CSMD1: variants seen among roughly 807,000 people sequenced by gnomAD.
CSMD1 encodes CUB and sushi domain-containing protein 1.
A neutral mutation model predicts 417.5 loss-of-function variants in CSMD1; 213 were observed. The observed-to-expected ratio is 0.51, with a 90% CI of 0.46 to 0.57. The LOEUF (loss-of-function observed/expected upper bound fraction) is 0.57. CSMD1 is among the 20% of genes least tolerant of loss of function. The probability of loss-of-function intolerance (pLI) is 0.00; values close to 1 mark genes in which losing one functional copy is unlikely to be tolerated. For synonymous variants in CSMD1, 2,862 were observed against 1,736.8 expected, an observed-to-expected ratio of 1.65 and a Z score of -16.11; for missense variants, 6,923 against 4,529.7, an observed-to-expected ratio of 1.53 and a Z score of -15.17.
intron 4 of CSMD1, among the ~76,000 whole-genome samples, chr8:4,009,670 A>G (rs145379101): frequency 7.9e-4 from 120 of 152,314 alleles, no homozygotes; most frequent in Middle Eastern, 3.4e-3. Flanking sequence ...AGCTTGTAAT[A>G]CTGGGAGATA....
intron 49 of CSMD1, among the ~76,000 whole-genome samples, chr8:3,055,642 G>C (rs1177220940): frequency 2.6e-5 from 4 of 152,170 alleles, no homozygotes; most frequent in African/African-American, 9.7e-5. Flanking sequence ...AACTTTCACA[G>C]TTTGGAGAAT....
At chr8:3,149,201 AAAAAAT>A (rs1445485800) in intron 40 of CSMD1, among the ~76,000 whole-genome samples, 1 of 152,214 alleles carries the variant, frequency 6.6e-6, no homozygotes, top group Non-Finnish European at 1.5e-5. Flanking sequence ...GTTTATAAAT[AAAAAAT>A]AAATACAGAA....
At chr8:3,820,566 T>C (rs1801673929) in intron 5 of CSMD1, among the ~76,000 whole-genome samples, 1 of 152,076 alleles carries the variant, frequency 6.6e-6, no homozygotes, top group Admixed American at 6.6e-5. Context: ...TTGTTGTGTT[T>C]TTGTTTTTGT....
chr8:2,999,805 C>T (rs1471326953), intron 53 of CSMD1, among the ~76,000 whole-genome samples, 153 bp downstream of exon 53: 2 of 151,864 alleles, frequency 1.3e-5, no homozygotes, highest in Non-Finnish European at 2.9e-5. Context: ...AACATGGCAC[C>T]TCTCCTGTTC....
chr8:3,504,905 G>C (rs545481994), intron 10 of CSMD1, among the ~76,000 whole-genome samples: 1 of 152,048 alleles, frequency 6.6e-6, no homozygotes, highest in Admixed American at 6.5e-5. Flanking sequence ...AGCAGAACCC[G>C]TCAAAATGCC....
chr8:4,289,039 T>C (rs945293699), intron 3 of CSMD1, among the ~76,000 whole-genome samples: 3 of 152,166 alleles, frequency 2.0e-5, no homozygotes, highest in Non-Finnish European at 4.4e-5. Context: ...ATGACTGTCA[T>C]AATGAGCATA....
At chr8:4,724,354 A>G (rs1160039130) in intron 1 of CSMD1, among the ~76,000 whole-genome samples, 1 of 152,120 alleles carries the variant, frequency 6.6e-6, no homozygotes, top group Non-Finnish European at 1.5e-5. Context: ...ATGCCCATTA[A>G]AATATAATAA....
At chr8:4,638,541 C>G (rs777138210) in intron 1 of CSMD1, among the ~76,000 whole-genome samples, 1 of 152,202 alleles carries the variant, frequency 6.6e-6, no homozygotes, top group Non-Finnish European at 1.5e-5. Flanking sequence ...TCTACCCGTT[C>G]ACACAGGCAG....
chr8:4,149,748 T>C (rs898972019), intron 3 of CSMD1, among the ~76,000 whole-genome samples: 1 of 152,192 alleles, frequency 6.6e-6, no homozygotes, highest in Non-Finnish European at 1.5e-5. Flanking sequence ...ACTCCAAGCA[T>C]CCAGCCAGGC....
At chr8:3,456,876 C>G (rs1816182489) in intron 12 of CSMD1, among the ~76,000 whole-genome samples, 1 of 152,104 alleles carries the variant, frequency 6.6e-6, no homozygotes, top group African/African-American at 2.4e-5. Flanking sequence ...TGGCTAAGCT[C>G]TAGCACTGCA....
At chr8:3,455,338 T>G (rs1484724558) in intron 12 of CSMD1, among the ~76,000 whole-genome samples, 1 of 152,250 alleles carries the variant, frequency 6.6e-6, no homozygotes, top group African/African-American at 2.4e-5. Context: ...TGTCCAACGT[T>G]GCTCCATTGC....
At chr8:3,690,387 TA>T (rs1254091506) in intron 7 of CSMD1, among the ~76,000 whole-genome samples, 1 of 152,196 alleles carries the variant, frequency 6.6e-6, no homozygotes, top group Non-Finnish European at 1.5e-5. Context: ...TACCTGAATC[TA>T]AAATTTGCCA....
At chr8:4,580,073 T>C (rs1337691846) in intron 2 of CSMD1, among the ~76,000 whole-genome samples, 1 of 152,248 alleles carries the variant, frequency 6.6e-6, no homozygotes, top group Non-Finnish European at 1.5e-5. Context: ...CTGCTTTTGT[T>C]TCTATATTTA....
chr8:4,056,245 C>A (rs912273699), intron 3 of CSMD1, among the ~76,000 whole-genome samples: 4 of 151,690 alleles, frequency 2.6e-5, no homozygotes, highest in Admixed American at 2.6e-4. Flanking sequence ...CCACTCCTGG[C>A]TAATTTTTGT....
intron 5 of CSMD1, among the ~76,000 whole-genome samples, chr8:3,872,574 G>A (rs898889078): frequency 6.6e-6 from 1 of 152,156 alleles, no homozygotes. Context: ...TTTCAGAATT[G>A]CTTGATAGAG....
intron 7 of CSMD1, among the ~76,000 whole-genome samples, chr8:3,676,089 T>C (rs1365269819): frequency 6.6e-6 from 1 of 152,254 alleles, no homozygotes; most frequent in Non-Finnish European, 1.5e-5. Context: ...CTTAATTAAA[T>C]ATATGCATGT....
intron 26 of CSMD1, among the ~76,000 whole-genome samples, chr8:3,276,404 G>C (rs142390647): frequency 2.6e-5 from 4 of 152,154 alleles, no homozygotes; most frequent in African/African-American, 4.8e-5. Context: ...GTTCCTATTC[G>C]TTCATCTTGG....
At chr8:4,262,439 G>A (rs759085048) in intron 3 of CSMD1, among the ~76,000 whole-genome samples, 3 of 152,188 alleles carry the variant, frequency 2.0e-5, no homozygotes, top group Non-Finnish European at 4.4e-5. Flanking sequence ...ATCCTTTCAT[G>A]TTCCCCGCGC....
At chr8:3,190,642 T>C (rs1385962104) in intron 33 of CSMD1, among the ~76,000 whole-genome samples, 1 of 152,198 alleles carries the variant, frequency 6.6e-6, no homozygotes, top group Non-Finnish European at 1.5e-5. Context: ...TGTATACTTA[T>C]CTAAAGGAAT....
Sources: gnomAD v4.1 joint callset for allele counts (sites outside exome capture counted in the v4.1 genomes callset) on GRCh38, gnomAD v4.1.1 for gene constraint, MANE v1.5 for transcripts, NCBI Gene and HGNC (gene_info 2026-07-23, HGNC 2026-07-21) for gene names.